FNBP1L: variants seen among roughly 807,000 people sequenced by gnomAD.
FNBP1L encodes the protein formin binding protein 1 like, also known as formin-binding protein 1-like.
A neutral mutation model predicts 91.2 loss-of-function variants in FNBP1L; 36 were observed. The ratio of observed to expected loss-of-function variants is 0.39; its 90% CI spans 0.30 to 0.52. The LOEUF (loss-of-function observed/expected upper bound fraction) is 0.52. Among genes scored for constraint, FNBP1L ranks in the 20% least tolerant of loss-of-function variants. The pLI is 0.66. For missense variants in FNBP1L, 571 were observed against 732.1 expected, an observed-to-expected ratio of 0.78 and a Z score of 2.54; for synonymous variants, 242 against 237.0, an observed-to-expected ratio of 1.02 and a Z score of -0.19.
intron 2 of FNBP1L, among the ~76,000 whole-genome samples, chr1:93,508,070 C>T (rs529227505): frequency 9.2e-5 from 14 of 151,644 alleles, no homozygotes; most frequent in South Asian, 2.1e-4. Context: ...GTGTGTTAGC[C>T]GGGGCGGTGG....
chr1:93,506,963 T>C (rs1490242830), intron 2 of FNBP1L, among the ~76,000 whole-genome samples: 1 of 151,988 alleles, frequency 6.6e-6, no homozygotes, highest in Non-Finnish European at 1.5e-5. Context: ...AGATGCCCAC[T>C]AAATTTAGAA....
intron 1 of FNBP1L, among the ~76,000 whole-genome samples, chr1:93,472,444 A>C (rs1011437825): frequency 6.6e-6 from 1 of 152,060 alleles, no homozygotes; most frequent in Non-Finnish European, 1.5e-5. Context: ...ATTCTTTACC[A>C]TGAATATTAT....
Position 93,484,052 on chromosome 1 carries a change from C to T in FNBP1L, c.25-15416C>T, listed in dbSNP as rs200335935. On this transcript the variant is annotated intron_variant, in intron 1 of 16. Coordinates refer to ENST00000271234, the MANE Select transcript of FNBP1L (RefSeq NM_001164473.3). ...CAAGCAATTCTCCTGCCTCAGCCTC[C>T]TGAGTAGCTGGGACTACAGGCGTGC... 3.3e-5 allele frequency among the ~76,000 whole-genome samples: 5 copies of T among 152,210 alleles called. No homozygotes were observed. In the East Asian group the frequency reaches 9.6e-4, roughly 29 times the overall value.
At chr1:93,550,501 C>G (rs977122037) in intron 15 of FNBP1L, among the ~76,000 whole-genome samples, 1 of 152,084 alleles carries the variant, frequency 6.6e-6, no homozygotes, top group Admixed American at 6.6e-5. Flanking sequence ...GAGTCAAACC[C>G]GTATTTTTCT....
At chr1:93,511,763 G>T (rs1424630094) in intron 2 of FNBP1L, among the ~76,000 whole-genome samples, 2 of 152,008 alleles carry the variant, frequency 1.3e-5, no homozygotes, top group Non-Finnish European at 2.9e-5. Flanking sequence ...TCAGGAGATC[G>T]AGACCATCCC....
chr1:93,494,158 T>C (rs913634191), intron 1 of FNBP1L, among the ~76,000 whole-genome samples: 2 of 152,182 alleles, frequency 1.3e-5, no homozygotes. Flanking sequence ...TTTGATAATT[T>C]GCTGTAATGA....
chr1:93,536,619 A>G, intron 10 of FNBP1L, 129 bp downstream of exon 10: 1 of 786,314 alleles, frequency 1.3e-6, no homozygotes, highest in Admixed American at 3.8e-5. Context: ...CAGAATTAAG[A>G]ATAGCTGCCC....
At chr1:93,474,543 A>G (rs1053772760) in intron 1 of FNBP1L, among the ~76,000 whole-genome samples, 3 of 152,328 alleles carry the variant, frequency 2.0e-5, no homozygotes, top group Middle Eastern at 3.4e-3. Context: ...CTAGCCTGAG[A>G]AGGCTTCTCT....
At chr1:93,482,832 A>G (rs1235485081) in intron 1 of FNBP1L, among the ~76,000 whole-genome samples, 1 of 152,058 alleles carries the variant, frequency 6.6e-6, no homozygotes, top group East Asian at 1.9e-4. Flanking sequence ...ATCCTGACTA[A>G]CACGGTGAAA....
chr1:93,497,060 A>AT (rs1407183543), intron 1 of FNBP1L, among the ~76,000 whole-genome samples: 4 of 152,142 alleles, frequency 2.6e-5, no homozygotes, highest in African/African-American at 4.8e-5. Flanking sequence ...TACTGGGTTC[A>AT]TGCCATTCCC....
intron 1 of FNBP1L, among the ~76,000 whole-genome samples, chr1:93,454,807 A>G (rs1668603566): frequency 6.6e-6 from 1 of 152,176 alleles, no homozygotes; most frequent in Non-Finnish European, 1.5e-5. Context: ...TACACATATC[A>G]TTTACATTGT....
At chr1:93,473,851 C>T (rs1489861454) in intron 1 of FNBP1L, among the ~76,000 whole-genome samples, 1 of 152,090 alleles carries the variant, frequency 6.6e-6, no homozygotes, top group African/African-American at 2.4e-5. Context: ...GCCTTAAGGG[C>T]AAGGAGAGGC....
rs1038582309 is a variant in FNBP1L at position 93,493,377 on chromosome 1, A to G, written c.25-6091A>G. On this transcript the variant is annotated intron_variant, in intron 1 of 16. Coordinates refer to ENST00000271234, the MANE Select transcript of FNBP1L (RefSeq NM_001164473.3). Reference sequence around the variant, plus strand: ...AAGATTTTTTTACTGTGTAAAATACATAATGTAAAATATACCATCTTAACC... The same window carrying G: ...AAGATTTTTTTACTGTGTAAAATACGTAATGTAAAATATACCATCTTAACC... Among the ~76,000 whole-genome samples the G allele has an allele frequency of 6.7e-4, 102 of 152,346 alleles. 1 individual carries two copies. The highest frequency in any genetic ancestry group is 3.4e-3 in the Middle Eastern group (1 of 294).
At chr1:93,451,476 C>G (rs548012384) in intron 1 of FNBP1L, among the ~76,000 whole-genome samples, 129 of 152,136 alleles carry the variant, frequency 8.5e-4, no homozygotes, top group African/African-American at 3.0e-3. Flanking sequence ...GAAAAATTTG[C>G]TACCCAAGGA....
chr1:93,552,712 A>C lies in FNBP1L; in HGVS notation c.*296A>C, dbSNP rs1204523628. ...GCTGTCTAATCAATAAAGAATGCAG[A>C]GCTGTCAAAAAATGTGTCTTACATT... On this transcript the variant is annotated 3_prime_UTR_variant, in exon 17 of 17. Transcript: ENST00000271234. 3.3e-6 allele frequency: 1 copy of C among 303,082 alleles called. No individual in the cohort carries two copies. The highest frequency in any genetic ancestry group is 6.0e-6 in the Non-Finnish European group (1 of 166,572). 18.8% of individuals were successfully genotyped at this position (303,082 alleles called of 1,614,324 possible).
chr1:93,471,526 C>T (rs1319417691), intron 1 of FNBP1L, among the ~76,000 whole-genome samples: 2 of 151,956 alleles, frequency 1.3e-5, no homozygotes, highest in Non-Finnish European at 2.9e-5. Context: ...ACCCTGTTTC[C>T]ACAAAAAATA....
chr1:93,454,954 A>T (rs1315244299), intron 1 of FNBP1L, among the ~76,000 whole-genome samples: 1 of 151,620 alleles, frequency 6.6e-6, no homozygotes, highest in Middle Eastern at 3.4e-3. Flanking sequence ...TTTGAGACGG[A>T]GTCTCGCTCT....
At position 93,479,586 on chromosome 1, in the gene FNBP1L, G is replaced by A. The variant is rs1202238065; in HGVS notation, c.25-19882G>A. Among the ~76,000 whole-genome samples the A allele has an allele frequency of 5.9e-5, 9 of 151,990 alleles. No individual in the cohort carries two copies. The South Asian group carries it at 8.3e-4, about 14-fold the overall frequency. On this transcript the variant is annotated intron_variant, in intron 1 of 16. Transcript: ENST00000271234. ...TAAGACAGGCACTCCCAGAGCAGCC[G>A]TTTATAGACCTCCCCCCAGGAATGC...
At chr1:93,471,811 AGTCAT>A (rs1199470087) in intron 1 of FNBP1L, among the ~76,000 whole-genome samples, 5 of 152,208 alleles carry the variant, frequency 3.3e-5, no homozygotes, top group Non-Finnish European at 7.3e-5. Flanking sequence ...TCGATAAGTT[AGTCAT>A]TTGTTTTGTG....
Sources: allele counts gnomAD v4.1 joint callset (sites outside exome capture counted in the v4.1 genomes callset), GRCh38; gene constraint gnomAD v4.1.1; transcripts MANE v1.5; gene names NCBI Gene and HGNC (gene_info 2026-07-23, HGNC 2026-07-21).